CNTNAP2: variants seen among roughly 807,000 people sequenced by gnomAD.
The protein encoded by CNTNAP2 is contactin associated protein 2.
Under a neutral mutation model 155.2 loss-of-function variants are expected in CNTNAP2, and 98 were observed. The ratio of observed to expected loss-of-function variants is 0.63; its 90% CI spans 0.54 to 0.75. The LOEUF (loss-of-function observed/expected upper bound fraction) is 0.75, where lower values mean the gene tolerates loss of function less well. Among genes scored for constraint, CNTNAP2 ranks in the 30% least tolerant of loss-of-function variants. The pLI, the probability that CNTNAP2 is intolerant of heterozygous loss-of-function variation, is 0.00. For synonymous variants in CNTNAP2, 651 were observed against 631.2 expected, an observed-to-expected ratio of 1.03 and a Z score of -0.47; for missense variants, 1,727 against 1,688.1, an observed-to-expected ratio of 1.02 and a Z score of -0.40.
chr7:146,954,798 AT>A (rs1330842656), intron 3 of CNTNAP2, among the ~76,000 whole-genome samples: 2 of 151,904 alleles, frequency 1.3e-5, no homozygotes, highest in African/African-American at 4.8e-5. Context: ...ACCCCAAATT[AT>A]TTTAGTATAT....
intron 1 of CNTNAP2, among the ~76,000 whole-genome samples, chr7:146,404,187 A>G (rs1465489225): frequency 1.3e-5 from 2 of 151,788 alleles, no homozygotes; most frequent in African/African-American, 2.4e-5. Context: ...AAATAAGAAG[A>G]TGAAAAGATG....
rs1459352783 is a variant in CNTNAP2 at position 147,722,121 on chromosome 7, C to T, written c.2098+82815C>T. On this transcript the variant is annotated intron_variant, in intron 13 of 23. Transcript: ENST00000361727. The stretch of plus-strand genomic sequence containing the variant: ...TTTCTATCTAAAGAACTGGGGCTAG[C>T]CCCAAACCATCAGCGTGCCCTTTCC... Among the ~76,000 whole-genome samples the T allele has an allele frequency of 2.0e-5, 3 of 152,188 alleles. No homozygotes were observed. In the East Asian group the frequency reaches 5.8e-4, roughly 29 times the overall value.
chr7:146,246,232 A>G (rs1385576017), intron 1 of CNTNAP2, among the ~76,000 whole-genome samples: 1 of 150,412 alleles, frequency 6.6e-6, no homozygotes, highest in East Asian at 2.0e-4. Context: ...CTTGTGGGTT[A>G]AGGTGGGGTA....
chr7:147,246,434 A>G (rs1190108679), intron 8 of CNTNAP2, among the ~76,000 whole-genome samples: 1 of 152,162 alleles, frequency 6.6e-6, no homozygotes, highest in East Asian at 1.9e-4. Flanking sequence ...ACAGTTCTAG[A>G]GGCTGGGCAG....
At chr7:146,381,127 A>G (rs926226961) in intron 1 of CNTNAP2, among the ~76,000 whole-genome samples, 1 of 151,858 alleles carries the variant, frequency 6.6e-6, no homozygotes, top group Non-Finnish European at 1.5e-5. Flanking sequence ...ACCTCCCACA[A>G]TGACTCTGGG....
chr7:146,877,568 A>G (rs1245921983), intron 3 of CNTNAP2, among the ~76,000 whole-genome samples: 1 of 151,350 alleles, frequency 6.6e-6, no homozygotes, highest in Non-Finnish European at 1.5e-5. Context: ...TATACTATAT[A>G]TGTGTGTGTA....
At chr7:146,206,424 G>A (rs1017237905) in intron 1 of CNTNAP2, among the ~76,000 whole-genome samples, 9 of 151,834 alleles carry the variant, frequency 5.9e-5, no homozygotes, top group Admixed American at 3.3e-4. Context: ...AGCTGTCTTG[G>A]ATGCTGTTAG....
At chr7:147,055,137 T>A (rs760996791) in intron 4 of CNTNAP2, among the ~76,000 whole-genome samples, 3 of 152,162 alleles carry the variant, frequency 2.0e-5, no homozygotes, top group Non-Finnish European at 4.4e-5. Context: ...CCCCAAATAA[T>A]AATATTTGCT....
chr7:147,207,846 T>C (rs1475629478), intron 8 of CNTNAP2, among the ~76,000 whole-genome samples: 12 of 152,178 alleles, frequency 7.9e-5, no homozygotes, highest in Admixed American at 7.9e-4. Flanking sequence ...CATTCACTTA[T>C]AAACCATAAA....
At chr7:146,318,134 C>T (rs1270370228) in intron 1 of CNTNAP2, among the ~76,000 whole-genome samples, 1 of 145,718 alleles carries the variant, frequency 6.9e-6, no homozygotes, top group Non-Finnish European at 1.5e-5. Flanking sequence ...GAGCAAGACT[C>T]CATCTCAAAA....
At position 148,413,404 on chromosome 7, in the gene CNTNAP2, ATATATATATATATATATATATATATAT is replaced by A. The variant is rs1799895963; in HGVS notation, c.3797-2012_3797-1986del. 1.1e-3 allele frequency among the ~76,000 whole-genome samples: 26 copies of A among 24,640 alleles called. 3 individuals carry two copies. Among genetic ancestry groups the A allele is most frequent in the African/African-American group, 3.3e-3 (26 of 7,794 alleles). The allele number at this position is 24,640 out of a possible 152,430, so 16.2% of individuals were successfully genotyped here. On this transcript the variant is annotated intron_variant, in intron 23 of 23. Transcript: ENST00000361727. ...TGAAACTCCGTCTCAAAAAAAAAATATATATATATATATATATATATATATATATATATATATATATATTGCTCCATA... is the reference window on the plus strand; with the variant it reads ...TGAAACTCCGTCTCAAAAAAAAAATAATATATATATATATATTGCTCCATA...
At chr7:146,176,202 G>A (rs1798467674) in intron 1 of CNTNAP2, among the ~76,000 whole-genome samples, 1 of 151,996 alleles carries the variant, frequency 6.6e-6, no homozygotes, top group Admixed American at 6.6e-5. Context: ...GCATATTGAG[G>A]GACAAAAATT....
chr7:146,214,082 A>G (rs1000794263), intron 1 of CNTNAP2, among the ~76,000 whole-genome samples: 1 of 152,200 alleles, frequency 6.6e-6, no homozygotes, highest in African/African-American at 2.4e-5. Flanking sequence ...GTGCCTACAC[A>G]ATATATGTGC....
intron 1 of CNTNAP2, among the ~76,000 whole-genome samples, chr7:146,169,389 G>A (rs1330642215): frequency 6.6e-6 from 1 of 152,160 alleles, no homozygotes; most frequent in African/African-American, 2.4e-5. Context: ...AATGAAAAAT[G>A]TCTATATTGA....
intron 10 of CNTNAP2, among the ~76,000 whole-genome samples, chr7:147,477,851 G>C (rs1798349266): frequency 6.6e-6 from 1 of 152,104 alleles, no homozygotes; most frequent in Admixed American, 6.5e-5. Context: ...TACACCGTAG[G>C]TACTCAATAA....
chr7:148,362,504 G>A (rs188936851), intron 21 of CNTNAP2, among the ~76,000 whole-genome samples: 280 of 152,324 alleles, frequency 1.8e-3, no homozygotes, highest in Non-Finnish European at 3.4e-3. Context: ...GGCTATGCTG[G>A]TCTGGTGGCC....
chr7:147,305,411 G>T (rs1004782526), intron 9 of CNTNAP2, among the ~76,000 whole-genome samples: 1 of 152,080 alleles, frequency 6.6e-6, no homozygotes, highest in Non-Finnish European at 1.5e-5. Context: ...CTTAGTGATG[G>T]AATACACTCC....
chr7:147,712,676 T>C (rs370969609), intron 13 of CNTNAP2, among the ~76,000 whole-genome samples: 175 of 152,050 alleles, frequency 1.2e-3, no homozygotes, highest in Non-Finnish European at 1.8e-3. Flanking sequence ...TTCTCACTCA[T>C]AGGTGGGAAT....
chr7:147,802,126 A>G (rs1264427548), intron 13 of CNTNAP2, among the ~76,000 whole-genome samples: 2 of 132,586 alleles, frequency 1.5e-5, no homozygotes, highest in African/African-American at 5.8e-5. Context: ...GACGCTCCTC[A>G]CCTCCCAGAC....
Sources: gnomAD v4.1 joint callset for allele counts (sites outside exome capture counted in the v4.1 genomes callset) on GRCh38, gnomAD v4.1.1 for gene constraint, MANE v1.5 for transcripts, NCBI Gene and HGNC (gene_info 2026-07-23, HGNC 2026-07-21) for gene names.